SHISA6: variants seen among roughly 807,000 people sequenced by gnomAD.
SHISA6 encodes the protein shisa family member 6, also known as protein shisa-6.
In SHISA6, 22 loss-of-function variants were observed where a neutral mutation model predicts 47.9. The ratio of observed to expected loss-of-function variants is 0.46; its 90% CI spans 0.33 to 0.66. The LOEUF (loss-of-function observed/expected upper bound fraction) is 0.66. Ranked by LOEUF, SHISA6 falls within the 30% of genes least tolerant of loss-of-function variation. The pLI, the probability that SHISA6 is intolerant of heterozygous loss-of-function variation, is 0.02. For missense variants in SHISA6, 680 were observed against 764.6 expected (o/e 0.89, Z 1.30); for synonymous variants, 388 against 337.8 (o/e 1.15, Z -1.63).
chr17:11,329,783 G>A (rs1911032680), intron 2 of SHISA6, among the ~76,000 whole-genome samples: 1 of 152,010 alleles, frequency 6.6e-6, no homozygotes, highest in Non-Finnish European at 1.5e-5. Context: ...AGCCATTGTA[G>A]GGTAAAGAAA....
At chr17:11,522,670 T>C (rs933324621) in intron 3 of SHISA6, among the ~76,000 whole-genome samples, 7 of 152,226 alleles carry the variant, frequency 4.6e-5, no homozygotes, top group Non-Finnish European at 1.0e-4. Flanking sequence ...TTCTCTATGT[T>C]GCCCAGGCTG....
At chr17:11,482,226 T>C (rs995997854) in intron 3 of SHISA6, among the ~76,000 whole-genome samples, 7 of 152,132 alleles carry the variant, frequency 4.6e-5, no homozygotes, top group South Asian at 2.1e-4. Context: ...AAGAAATATA[T>C]TGGTGATGTT....
intron 3 of SHISA6, among the ~76,000 whole-genome samples, chr17:11,431,268 T>C (rs148796106): frequency 2.6e-3 from 393 of 152,266 alleles, no homozygotes; most frequent in Non-Finnish European, 4.9e-3. Context: ...CCTAGGTGGA[T>C]ACAGTCCCCT....
chr17:11,340,214 A>T (rs1043679693), intron 2 of SHISA6, among the ~76,000 whole-genome samples: 5 of 152,214 alleles, frequency 3.3e-5, no homozygotes, highest in Non-Finnish European at 5.9e-5. Context: ...GTTATCTGTC[A>T]CTATGTAACA....
At chr17:11,556,479 T>C (rs895883623) in intron 5 of SHISA6, among the ~76,000 whole-genome samples, 1 of 152,136 alleles carries the variant, frequency 6.6e-6, no homozygotes, top group Non-Finnish European at 1.5e-5. Context: ...TGTCAAAAAA[T>C]TTCCCTAAAG....
chr17:11,470,133 C>G (rs1179246421), intron 3 of SHISA6, among the ~76,000 whole-genome samples: 1 of 152,174 alleles, frequency 6.6e-6, no homozygotes, highest in Admixed American at 6.5e-5. Context: ...TCTGAAACTT[C>G]CAGCATCTAG....
chr17:11,399,656 A>G (rs1277039690), intron 3 of SHISA6, among the ~76,000 whole-genome samples: 2 of 152,104 alleles, frequency 1.3e-5, no homozygotes, highest in East Asian at 3.9e-4. Context: ...TCCTCACCTC[A>G]GGTGATCTGC....
In SHISA6 at chr17:11,536,057, G is replaced by A. The variant is rs561808681; in HGVS notation, c.896-15839G>A. Among the ~76,000 whole-genome samples, 9 of 141,004 alleles carry A rather than the reference G, an allele frequency of 6.4e-5. No individual in the cohort carries two copies. The East Asian group carries it at 1.3e-3, about 20-fold the overall frequency. The allele number at this position is 141,004 out of a possible 152,430, so 92.5% of individuals were successfully genotyped here. A position where few individuals can be genotyped will look rare whatever the true frequency, so the allele number is the denominator to read the frequency against. On this transcript the variant is annotated intron_variant, in intron 3 of 5. Transcript: ENST00000441885. The stretch of plus-strand genomic sequence containing the variant: ...AGTGAGACAGAGTCTTTTCCCAAAC[G>A]TGATAAATAAAGCTCCACTGATAGG...
chr17:11,396,618 G>A (rs917826659), intron 3 of SHISA6, among the ~76,000 whole-genome samples: 14 of 152,226 alleles, frequency 9.2e-5, no homozygotes, highest in Admixed American at 4.6e-4. Flanking sequence ...GTGTAAAAGC[G>A]TTCCTCAACA....
chr17:11,352,069 G>C (rs1192581359), intron 2 of SHISA6, among the ~76,000 whole-genome samples: 3 of 152,196 alleles, frequency 2.0e-5, no homozygotes. Context: ...ATCAGAGCTT[G>C]AGAAGTGGAT....
At chr17:11,354,447 C>T (rs753145794) in intron 2 of SHISA6, among the ~76,000 whole-genome samples, 1 of 152,162 alleles carries the variant, frequency 6.6e-6, no homozygotes, top group East Asian at 1.9e-4. Context: ...CAGGGCCTCC[C>T]GTTGTATCAA....
chr17:11,306,592 GC>G (rs2142182230), intron 2 of SHISA6, among the ~76,000 whole-genome samples: 1 of 152,258 alleles, frequency 6.6e-6, no homozygotes, highest in Non-Finnish European at 1.5e-5. Context: ...TGGTGAGCCC[GC>G]CCTTTGGAGT....
chr17:11,480,413 A>G (rs893361472), intron 3 of SHISA6, among the ~76,000 whole-genome samples: 1 of 152,112 alleles, frequency 6.6e-6, no homozygotes, highest in Non-Finnish European at 1.5e-5. Context: ...GAATGAATGA[A>G]TAAAATGGAA....
rs78564474 is a variant in SHISA6 at position 11,375,455 on chromosome 17, C to A, written c.800-3959C>A. Among the ~76,000 whole-genome samples the A allele has an allele frequency of 2.6e-3, 399 of 152,306 alleles. 2 individuals are homozygous for A. The highest frequency in any genetic ancestry group is 8.7e-3 in the African/African-American group (361 of 41,578). ...GCAACCCGAGGCAAACTGTCCTGATCAGTTTGTTTCCCCCTTATGGCTGTT... is the reference window on the plus strand; with the variant it reads ...GCAACCCGAGGCAAACTGTCCTGATAAGTTTGTTTCCCCCTTATGGCTGTT... On this transcript the variant is annotated intron_variant, in intron 2 of 5. Coordinates refer to ENST00000441885, the MANE Select transcript of SHISA6 (RefSeq NM_207386.4).
intron 2 of SHISA6, among the ~76,000 whole-genome samples, chr17:11,338,408 T>G (rs555829967): frequency 6.6e-6 from 1 of 152,102 alleles, no homozygotes; most frequent in African/African-American, 2.4e-5. Context: ...TTTTTTTGTT[T>G]GTTTGTTTTT....
At chr17:11,336,918 G>C (rs1911341148) in intron 2 of SHISA6, among the ~76,000 whole-genome samples, 1 of 152,210 alleles carries the variant, frequency 6.6e-6, no homozygotes, top group African/African-American at 2.4e-5. Context: ...CACAGAGGTG[G>C]TGAGAACACA....
chr17:11,248,557 G>T (rs1310957275), intron 1 of SHISA6, among the ~76,000 whole-genome samples: 1 of 152,170 alleles, frequency 6.6e-6, no homozygotes, highest in Non-Finnish European at 1.5e-5. Context: ...GATCCTTAGA[G>T]ATGTGAGTTA....
intron 3 of SHISA6, among the ~76,000 whole-genome samples, chr17:11,395,391 G>T (rs1161476891): frequency 2.0e-5 from 3 of 151,656 alleles, no homozygotes; most frequent in Non-Finnish European, 4.4e-5. Flanking sequence ...AATATATGAA[G>T]GCTATCGATT....
chr17:11,375,483 T>A (rs1295884693), intron 2 of SHISA6, among the ~76,000 whole-genome samples: 3 of 152,228 alleles, frequency 2.0e-5, no homozygotes, highest in African/African-American at 7.2e-5. Context: ...TGGCTGTTGG[T>A]CTAATCTCAC....
Sources: gnomAD v4.1 joint callset for allele counts (sites outside exome capture counted in the v4.1 genomes callset) on GRCh38, gnomAD v4.1.1 for gene constraint, MANE v1.5 for transcripts, NCBI Gene and HGNC (gene_info 2026-07-23, HGNC 2026-07-21) for gene names.